The following DDX50 variants were observed in gnomAD, a reference collection of about 807,000 sequenced individuals.
DDX50 encodes the protein ATP-dependent RNA helicase DDX50.
Under a neutral mutation model 94.8 loss-of-function variants are expected in DDX50, and 56 were observed. The observed-to-expected ratio is 0.59, with a 90% confidence interval of 0.48 to 0.74. DDX50 has a LOEUF of 0.74. Ranked by LOEUF, DDX50 falls within the 30% of genes least tolerant of loss-of-function variation. The pLI, the probability that DDX50 is intolerant of heterozygous loss-of-function variation, is 0.00. For missense variants in DDX50, 713 were observed against 881.2 expected (o/e 0.81, Z 2.42); for synonymous variants, 264 against 295.4 (o/e 0.89, Z 1.09).
chr10:68,937,121 A>C (rs1344386611), intron 12 of DDX50, 26 bp downstream of exon 12: 1 of 1,571,916 alleles, frequency 6.4e-7, no homozygotes, highest in Admixed American at 1.8e-5. Flanking sequence ...AAAATTGTAC[A>C]TGAGTGGGAA....
chr10:68,929,297 CTCTCTCTCTCTCTCTCTT>C (rs1564612608), intron 8 of DDX50, among the ~76,000 whole-genome samples: 1,826 of 102,622 alleles, frequency 0.018, 31 homozygotes, highest in African/African-American at 0.05. Context: ...TCCTTCCTCT[CTCTCTCTCTCTCTCTCTT>C]TCTTTCTCTT....
Position 68,946,370 on chromosome 10 carries a change from G to T in DDX50, c.1954G>T (p.Asp652Tyr). 6.2e-7 allele frequency: 1 copy of T among 1,612,066 alleles called. No individual in the cohort carries two copies. The highest frequency in any genetic ancestry group is 1.1e-5 in the South Asian group (1 of 90,898). ...ERLQAEWHDS[D>Y]WILSVPAKLP... The stretch of plus-strand genomic sequence containing the variant: ...CTAACAGGCAGAGTGGCATGATTCC[G>T]ACTGGATACTCTCAGTGCCAGCCAA... The change falls in exon 15 of 15, where the codon GAC becomes TAC. Residue 652 changes from aspartate (D) to tyrosine (Y), a missense_variant. Asp to Tyr is a radical substitution (Grantham distance 160). Coordinates refer to ENST00000373585, the MANE Select transcript of DDX50 (RefSeq NM_024045.2).
At chr10:68,916,668 A>G (rs1247355970) in intron 7 of DDX50, among the ~76,000 whole-genome samples, 3 of 152,146 alleles carry the variant, frequency 2.0e-5, no homozygotes, top group South Asian at 4.1e-4. Flanking sequence ...AACCACAGTC[A>G]TTATCAGTAG....
At chr10:68,920,535 A>G (rs1589257764) in intron 8 of DDX50, among the ~76,000 whole-genome samples, 1 of 152,286 alleles carries the variant, frequency 6.6e-6, no homozygotes, top group Non-Finnish European at 1.5e-5. Context: ...AAGTTGAAAC[A>G]AAATGAATTT....
intron 8 of DDX50, among the ~76,000 whole-genome samples, chr10:68,925,338 G>A (rs1307536715): frequency 6.6e-6 from 1 of 151,536 alleles, no homozygotes; most frequent in South Asian, 2.1e-4. Flanking sequence ...TCGAACTCTC[G>A]ATCTCAGATG....
At chr10:68,924,462 T>G (rs143347164) in intron 8 of DDX50, among the ~76,000 whole-genome samples, 1 of 152,294 alleles carries the variant, frequency 6.6e-6, no homozygotes, top group East Asian at 1.9e-4. Flanking sequence ...TGCCTCTTAT[T>G]GTTTTTTTCC....
intron 8 of DDX50, among the ~76,000 whole-genome samples, chr10:68,931,534 G>C (rs913712205): frequency 6.7e-6 from 1 of 149,898 alleles, no homozygotes; most frequent in South Asian, 2.1e-4. Context: ...TCTGCCTCCC[G>C]GTTTCCAGTG....
At chr10:68,912,925 GGCAGGGGGA>G in intron 4 of DDX50, among the ~76,000 whole-genome samples, 1 of 152,140 alleles carries the variant, frequency 6.6e-6, no homozygotes, top group Non-Finnish European at 1.5e-5. Context: ...GATAAAGAGG[GGCAGGGGGA>G]TATGAAAATG....
intron 1 of DDX50, among the ~76,000 whole-genome samples, chr10:68,902,749 C>A (rs765277268): frequency 1.1e-4 from 16 of 152,312 alleles, no homozygotes; most frequent in Admixed American, 3.9e-4. Flanking sequence ...TTTTGAAATT[C>A]TTGTCTTTTG....
intron 8 of DDX50, among the ~76,000 whole-genome samples, chr10:68,921,867 C>A (rs1021858797): frequency 1.3e-5 from 2 of 151,994 alleles, no homozygotes; most frequent in African/African-American, 4.8e-5. Flanking sequence ...AATCTTTTTT[C>A]CTTATATGTG....
intron 8 of DDX50, among the ~76,000 whole-genome samples, chr10:68,930,791 C>T (rs930028267): frequency 1.3e-5 from 2 of 152,272 alleles, no homozygotes; most frequent in South Asian, 4.1e-4. Flanking sequence ...GTAGCTGGGA[C>T]GACACGTATG....
intron 7 of DDX50, among the ~76,000 whole-genome samples, chr10:68,918,139 G>C (rs1321108148): frequency 6.6e-6 from 1 of 152,084 alleles, no homozygotes; most frequent in Admixed American, 6.6e-5. Flanking sequence ...TGGCCAGGCT[G>C]GTTCAAACTC....
At chr10:68,921,691 A>G (rs1216567998) in intron 8 of DDX50, among the ~76,000 whole-genome samples, 2 of 152,186 alleles carry the variant, frequency 1.3e-5, no homozygotes, top group Non-Finnish European at 2.9e-5. Context: ...GGCTTATGGA[A>G]ACAGTATCGC....
At chr10:68,903,551 G>A (rs545786766) in intron 1 of DDX50, among the ~76,000 whole-genome samples, 192 of 149,478 alleles carry the variant, frequency 1.3e-3, no homozygotes, top group African/African-American at 4.2e-3. Context: ...CTGTAATGCC[G>A]GCATTTTTGG....
intron 8 of DDX50, among the ~76,000 whole-genome samples, chr10:68,929,834 G>A (rs1451313613): frequency 6.6e-6 from 1 of 150,996 alleles, no homozygotes; most frequent in Non-Finnish European, 1.5e-5. Flanking sequence ...CCGGGTTCAA[G>A]TGATTCTCCT....
chr10:68,908,759 A>G (rs1267568291), intron 2 of DDX50, among the ~76,000 whole-genome samples: 2 of 148,506 alleles, frequency 1.3e-5, no homozygotes, highest in Admixed American at 1.4e-4. Context: ...CTCCCACCTC[A>G]GCCTCCTGAG....
chr10:68,933,638 TAAA>T (rs550757375), intron 8 of DDX50, among the ~76,000 whole-genome samples: 3,208 of 145,598 alleles, frequency 0.022, 50 homozygotes, highest in Non-Finnish European at 0.034. Context: ...ATGTGTGTAT[TAAA>T]AAAAAAAAGT....
chr10:68,913,961 C>G (rs1841710339), intron 6 of DDX50, 98 bp from the exon 7 acceptor site: 1 of 1,215,402 alleles, frequency 8.2e-7, no homozygotes, highest in Non-Finnish European at 1.1e-6. Context: ...CCAAGTTTTA[C>G]ATTTTTCATT....
intron 8 of DDX50, among the ~76,000 whole-genome samples, chr10:68,923,551 A>G (rs2132040590): frequency 6.7e-6 from 1 of 150,102 alleles, no homozygotes; most frequent in Admixed American, 6.7e-5. Flanking sequence ...TTATCTTTTA[A>G]TTTTTTGTTG....
Sources: allele counts gnomAD v4.1 joint callset (sites outside exome capture counted in the v4.1 genomes callset), GRCh38; gene constraint gnomAD v4.1.1; transcripts MANE v1.5; gene names NCBI Gene and HGNC (gene_info 2026-07-23, HGNC 2026-07-21).